The following RABGAP1L variants were observed in gnomAD, a reference collection of about 807,000 sequenced individuals.
RABGAP1L encodes RAB GTPase activating protein 1 like.
Under a neutral mutation model 137.7 loss-of-function variants are expected in RABGAP1L, and 63 were observed. That is an observed-to-expected ratio of 0.46 (90% CI 0.37 to 0.56). The LOEUF (loss-of-function observed/expected upper bound fraction) is 0.56. Among genes scored for constraint, RABGAP1L ranks in the 20% least tolerant of loss-of-function variants. The pLI is 0.00. For missense variants in RABGAP1L, 1,095 were observed against 1,244.0 expected, an observed-to-expected ratio of 0.88 and a Z score of 1.80; for synonymous variants, 431 against 433.7, an observed-to-expected ratio of 0.99 and a Z score of 0.08.
At chr1:174,976,971 G>A (rs1406787777) in intron 22 of RABGAP1L, among the ~76,000 whole-genome samples, 1 of 152,232 alleles carries the variant, frequency 6.6e-6, no homozygotes, top group Non-Finnish European at 1.5e-5. Context: ...AACAATTGAA[G>A]TCTTCTGCCA....
intron 19 of RABGAP1L, among the ~76,000 whole-genome samples, chr1:174,953,114 A>G (rs1287841016): frequency 6.6e-6 from 1 of 152,134 alleles, no homozygotes; most frequent in African/African-American, 2.4e-5. Context: ...GAAAGTAAGA[A>G]TACAAAATAG....
At chr1:174,294,483 A>G (rs975138581) in intron 10 of RABGAP1L, among the ~76,000 whole-genome samples, 1 of 152,166 alleles carries the variant, frequency 6.6e-6, no homozygotes, top group Admixed American at 6.6e-5. Flanking sequence ...GTGGGCAATT[A>G]CTCTGAACAG....
chr1:174,345,538 A>AT (rs1294841958), intron 11 of RABGAP1L, among the ~76,000 whole-genome samples: 4 of 151,836 alleles, frequency 2.6e-5, no homozygotes, highest in Non-Finnish European at 4.4e-5. Flanking sequence ...GTATTTAATT[A>AT]TTTTTTAGAT....
chr1:174,160,628 C>T (rs944741887), intron 1 of RABGAP1L, among the ~76,000 whole-genome samples: 2 of 152,148 alleles, frequency 1.3e-5, no homozygotes, highest in African/African-American at 4.8e-5. Flanking sequence ...CAGATTTCAG[C>T]GCAGTTTGGA....
chr1:174,818,856 G>GA (rs761707023), intron 19 of RABGAP1L, among the ~76,000 whole-genome samples: 3,130 of 144,254 alleles, frequency 0.022, 120 homozygotes, highest in African/African-American at 0.076. Flanking sequence ...CAGTAAAAAA[G>GA]AAAAAAAAAA....
At chr1:174,659,378 T>C (rs1676205676) in intron 14 of RABGAP1L, among the ~76,000 whole-genome samples, 1 of 152,196 alleles carries the variant, frequency 6.6e-6, no homozygotes, top group Non-Finnish European at 1.5e-5. Flanking sequence ...AGAACACAAA[T>C]GTATTCCATA....
intron 13 of RABGAP1L, among the ~76,000 whole-genome samples, chr1:174,621,910 A>G (rs1027360150): frequency 3.9e-5 from 6 of 152,230 alleles, no homozygotes; most frequent in Non-Finnish European, 7.3e-5. Flanking sequence ...ATCAGAGTGA[A>G]CAGGCAACCT....
intron 19 of RABGAP1L, among the ~76,000 whole-genome samples, chr1:174,949,880 A>G (rs1201598428): frequency 6.6e-6 from 1 of 152,246 alleles, no homozygotes. Flanking sequence ...CAAAATTGCT[A>G]CAGCATTGGG....
intron 13 of RABGAP1L, among the ~76,000 whole-genome samples, chr1:174,412,365 G>A (rs1200051790): frequency 6.6e-6 from 1 of 152,090 alleles, no homozygotes. Flanking sequence ...GTTATTATGT[G>A]TGAGATGGGT....
chr1:174,749,987 G>A lies in RABGAP1L; in HGVS notation c.2170-2326G>A, dbSNP rs145168800. 5.9e-4 allele frequency among the ~76,000 whole-genome samples: 90 copies of A among 151,672 alleles called. No individual in the cohort carries two copies. In the East Asian group the frequency reaches 0.016, roughly 26 times the overall value. On this transcript the variant is annotated intron_variant, in intron 17 of 25. Transcript: ENST00000681986. Reference sequence around the variant, plus strand: ...TGGGTTCACACCATTCTCCTGCTTCGGCCTCCCAAGTAGCTGGGACTACAG... The same window carrying A: ...TGGGTTCACACCATTCTCCTGCTTCAGCCTCCCAAGTAGCTGGGACTACAG...
chr1:174,524,469 T>C (rs1377382066), intron 13 of RABGAP1L, among the ~76,000 whole-genome samples: 1 of 152,164 alleles, frequency 6.6e-6, no homozygotes, highest in Non-Finnish European at 1.5e-5. Flanking sequence ...AATTGTCTAT[T>C]TGTGTCATTT....
chr1:174,299,151 C>T (rs983075231), intron 10 of RABGAP1L, among the ~76,000 whole-genome samples: 1 of 152,188 alleles, frequency 6.6e-6, no homozygotes, highest in African/African-American at 2.4e-5. Flanking sequence ...ATAATTATTT[C>T]TACATAGGCC....
chr1:174,296,502 A>G (rs1677140092), intron 10 of RABGAP1L, among the ~76,000 whole-genome samples: 1 of 152,238 alleles, frequency 6.6e-6, no homozygotes. Flanking sequence ...CTTGTCGCCA[A>G]CATTTATAGG....
At chr1:174,229,709 T>A (rs564466440) in intron 3 of RABGAP1L, among the ~76,000 whole-genome samples, 1 of 152,314 alleles carries the variant, frequency 6.6e-6, no homozygotes, top group East Asian at 1.9e-4. Flanking sequence ...CTATTGTGAA[T>A]AGTGCCGCTA....
chr1:174,509,899 A>G (rs982371504), intron 13 of RABGAP1L, among the ~76,000 whole-genome samples: 20 of 152,168 alleles, frequency 1.3e-4, no homozygotes, highest in African/African-American at 4.3e-4. Context: ...CGTTCTACTT[A>G]TGTAACATCA....
chr1:174,981,654 C>G (rs1453915694), intron 23 of RABGAP1L, among the ~76,000 whole-genome samples: 1 of 143,906 alleles, frequency 6.9e-6, no homozygotes, highest in Non-Finnish European at 1.5e-5. Flanking sequence ...CAGCCTTGAC[C>G]TCCTGGGCTC....
chr1:174,985,648 C>T (rs543641322), intron 24 of RABGAP1L, among the ~76,000 whole-genome samples: 2 of 152,228 alleles, frequency 1.3e-5, no homozygotes, highest in East Asian at 3.9e-4. Flanking sequence ...GTCATGATCA[C>T]CCCCCAGTTC....
chr1:174,980,850 C>T (rs1276170546), intron 23 of RABGAP1L, among the ~76,000 whole-genome samples: 1 of 151,934 alleles, frequency 6.6e-6, no homozygotes, highest in East Asian at 1.9e-4. Context: ...GAACCAGGTC[C>T]CTGAACTAAA....
At chr1:174,920,514 TG>T in intron 19 of RABGAP1L, among the ~76,000 whole-genome samples, 1 of 152,358 alleles carries the variant, frequency 6.6e-6, no homozygotes, top group African/African-American at 2.4e-5. Context: ...GAGACTTGGA[TG>T]GGGATGCAGC....
Sources: allele counts gnomAD v4.1 joint callset (sites outside exome capture counted in the v4.1 genomes callset), GRCh38; gene constraint gnomAD v4.1.1; transcripts MANE v1.5; gene names NCBI Gene and HGNC (gene_info 2026-07-23, HGNC 2026-07-21).